The following MYZAP variants were observed in gnomAD, a reference collection of about 807,000 sequenced individuals.
The protein encoded by MYZAP is GRINL1A complex locus upstream.
MYZAP carries 66 observed loss-of-function variants against 69.4 expected under a neutral mutation model. That is an observed-to-expected ratio of 0.95 (90% CI 0.78 to 1.17). The LOEUF (loss-of-function observed/expected upper bound fraction) is 1.17. MYZAP is among the 50% of genes most tolerant of loss of function. The pLI is 0.00. For missense variants in MYZAP, 611 were observed against 556.2 expected (o/e 1.10, Z -0.99); for synonymous variants, 256 against 205.9 (o/e 1.24, Z -2.09).
intron 1 of MYZAP, among the ~76,000 whole-genome samples, chr15:57,599,905 G>A (rs1451620656): frequency 1.2e-4 from 18 of 152,188 alleles, no homozygotes; most frequent in Non-Finnish European, 8.8e-5. Context: ...AAGCAGTCCT[G>A]TGGAAGGATT....
intron 5 of MYZAP, among the ~76,000 whole-genome samples, chr15:57,628,954 G>T (rs185878113): frequency 6.6e-6 from 1 of 152,056 alleles, no homozygotes; most frequent in Non-Finnish European, 1.5e-5. Flanking sequence ...GTGGTGGCAG[G>T]CGCCTGTAGT....
intron 10 of MYZAP, among the ~76,000 whole-genome samples, chr15:57,651,474 C>A (rs577523818): frequency 6.6e-6 from 1 of 152,314 alleles, no homozygotes; most frequent in Admixed American, 6.5e-5. Context: ...ACATGTCAAC[C>A]TTCCTCCCAG....
At chr15:57,621,540 A>C (rs1233986856) in intron 3 of MYZAP, 68 bp from the exon 4 acceptor site, 7 of 1,564,086 alleles carry the variant, frequency 4.5e-6, no homozygotes, top group Middle Eastern at 1.7e-4. Flanking sequence ...GAGTTTCTTA[A>C]AAGTTTTAGA....
intron 2 of MYZAP, among the ~76,000 whole-genome samples, chr15:57,615,184 C>G (rs540912645): frequency 6.6e-6 from 1 of 152,254 alleles, no homozygotes; most frequent in South Asian, 2.1e-4. Context: ...CATTCAAAGT[C>G]TACAAAAGAA....
chr15:57,653,480 T>A (rs1567229396), intron 10 of MYZAP, among the ~76,000 whole-genome samples: 1 of 152,222 alleles, frequency 6.6e-6, no homozygotes, highest in Non-Finnish European at 1.5e-5. Flanking sequence ...AAATAAATGT[T>A]CAAATAAAAT....
intron 1 of MYZAP, among the ~76,000 whole-genome samples, chr15:57,603,017 A>ATTT (rs1351533424): frequency 6.6e-6 from 1 of 152,118 alleles, no homozygotes; most frequent in Non-Finnish European, 1.5e-5. Flanking sequence ...AATCACACAA[A>ATTT]TTGTAGCTTC....
chr15:57,673,396 T>C (rs1028860443), intron 11 of MYZAP, among the ~76,000 whole-genome samples: 2 of 151,872 alleles, frequency 1.3e-5, no homozygotes, highest in African/African-American at 4.8e-5. Flanking sequence ...AGTTCAGACA[T>C]TGCTGGGGAA....
intron 10 of MYZAP, among the ~76,000 whole-genome samples, chr15:57,651,147 G>A (rs2037705751): frequency 1.3e-5 from 2 of 152,202 alleles, no homozygotes; most frequent in African/African-American, 4.8e-5. Flanking sequence ...GTGCTAGAGA[G>A]TGTTTACTTT....
At chr15:57,648,276 A>G (rs2037552575) in intron 10 of MYZAP, 1 of 985,178 alleles carries the variant, frequency 1.0e-6, no homozygotes, top group Admixed American at 6.1e-5. Flanking sequence ...CACAATATAA[A>G]TTGTCTTTTC....
At chr15:57,613,494 C>T (rs1329160213) in intron 2 of MYZAP, among the ~76,000 whole-genome samples, 1 of 151,956 alleles carries the variant, frequency 6.6e-6, no homozygotes, top group African/African-American at 2.4e-5. Context: ...CCTTAGCCTC[C>T]CAAGAAGCTG....
chr15:57,653,987 A>G (rs2037859338), intron 10 of MYZAP, among the ~76,000 whole-genome samples: 1 of 127,078 alleles, frequency 7.9e-6, no homozygotes, highest in African/African-American at 2.9e-5. Flanking sequence ...CCTGGGTTAC[A>G]GAGGCAAACG....
In MYZAP at chr15:57,612,320, T is replaced by TGGGGCGGGGGA; in HGVS notation, c.163-5712_163-5702dup. 2.0e-5 allele frequency among the ~76,000 whole-genome samples: 3 copies of TGGGGCGGGGGA among 152,262 alleles called. No homozygotes were observed. In the Middle Eastern group the frequency reaches 0.01, roughly 518 times the overall value. ...GTGACCAGCTGCCCCTCCTGGCTGG[T>TGGGGCGGGGGA]GGGGCGGGGGACTGGCTGTGTTAGT... is the stretch of plus-strand genomic sequence containing the variant. On this transcript the variant is annotated intron_variant, in intron 2 of 12. Coordinates refer to ENST00000267853, the MANE Select transcript of MYZAP (RefSeq NM_001018100.5).
chr15:57,607,880 G>GAGGGCC (rs2034855676), intron 2 of MYZAP, among the ~76,000 whole-genome samples: 1 of 152,200 alleles, frequency 6.6e-6, no homozygotes, highest in Non-Finnish European at 1.5e-5. Flanking sequence ...ATGAGTCACT[G>GAGGGCC]AGGGCCAGGG....
At chr15:57,640,044 C>G (rs1487046846) in intron 10 of MYZAP, among the ~76,000 whole-genome samples, 1 of 152,108 alleles carries the variant, frequency 6.6e-6, no homozygotes, top group Non-Finnish European at 1.5e-5. Context: ...TTCTCCCACT[C>G]CTGCTTCTTC....
At chr15:57,643,786 C>T (rs2037297288) in intron 10 of MYZAP, among the ~76,000 whole-genome samples, 1 of 148,712 alleles carries the variant, frequency 6.7e-6, no homozygotes, top group Non-Finnish European at 1.5e-5. Context: ...CATTAGGCAT[C>T]CTTTCATTTT....
intron 11 of MYZAP, among the ~76,000 whole-genome samples, chr15:57,666,544 C>T (rs1353540663): frequency 1.3e-5 from 2 of 152,192 alleles, no homozygotes; most frequent in East Asian, 1.9e-4. Context: ...CTTGCTCTAG[C>T]CTGGCCCTGT....
At chr15:57,624,548 A>T (rs1382433636) in intron 4 of MYZAP, among the ~76,000 whole-genome samples, 1 of 152,248 alleles carries the variant, frequency 6.6e-6, no homozygotes, top group South Asian at 2.1e-4. Context: ...ATGGAAAGTC[A>T]TTCTGCCATG....
intron 12 of MYZAP, among the ~76,000 whole-genome samples, chr15:57,681,511 T>TG (rs1309267774): frequency 1.3e-5 from 2 of 152,134 alleles, no homozygotes; most frequent in African/African-American, 4.8e-5. Context: ...AGGCTTGGCG[T>TG]GGTGGCTCAC....
chr15:57,630,351 C>T (rs553887136), intron 6 of MYZAP, among the ~76,000 whole-genome samples: 2 of 152,310 alleles, frequency 1.3e-5, no homozygotes, highest in East Asian at 3.9e-4. Flanking sequence ...TAGACACTCA[C>T]CATGGTGCTG....
Sources: gnomAD v4.1 joint callset for allele counts (sites outside exome capture counted in the v4.1 genomes callset) on GRCh38, gnomAD v4.1.1 for gene constraint, MANE v1.5 for transcripts, NCBI Gene and HGNC (gene_info 2026-07-23, HGNC 2026-07-21) for gene names.